Variants in SETX observed in about 807,000 individuals in gnomAD.
The protein encoded by SETX is helicase senataxin.
Under a neutral mutation model 227.2 loss-of-function variants are expected in SETX, and 90 were observed. That is an observed-to-expected ratio of 0.40 (90% CI 0.33 to 0.47). The LOEUF is 0.47. Among genes scored for constraint, SETX ranks in the 20% least tolerant of loss-of-function variants. The pLI is 0.91. For missense variants in SETX, 3,052 were observed against 3,181.5 expected, an observed-to-expected ratio of 0.96 and a Z score of 0.98; for synonymous variants, 1,210 against 1,113.2, an observed-to-expected ratio of 1.09 and a Z score of -1.73.
intron 7 of SETX, among the ~76,000 whole-genome samples, chr9:132,334,308 C>T (rs1157812367): frequency 2.0e-5 from 3 of 152,160 alleles, no homozygotes; most frequent in East Asian, 1.9e-4. Context: ...ATTAGCTGGG[C>T]GTGGTGGTGC....
chr9:132,309,205 T>C (rs1451336861), intron 11 of SETX, among the ~76,000 whole-genome samples: 2 of 152,236 alleles, frequency 1.3e-5, no homozygotes, highest in East Asian at 3.9e-4. Flanking sequence ...AAACTTCTTA[T>C]AAAGCTAGAT....
intron 20 of SETX, among the ~76,000 whole-genome samples, chr9:132,279,746 AAAGG>A (rs1320412138): frequency 6.6e-6 from 1 of 152,234 alleles, no homozygotes; most frequent in Non-Finnish European, 1.5e-5. Context: ...GGGAAACAGA[AAAGG>A]AAGTTATGTA....
At chr9:132,324,137 C>A (rs7850657) in intron 10 of SETX, among the ~76,000 whole-genome samples, 8,271 of 152,090 alleles carry the variant, frequency 0.054, 365 homozygotes, top group East Asian at 0.17. Flanking sequence ...TAATAAATAT[C>A]TTTTAACTCA....
In SETX at chr9:132,328,257, A is replaced by G. The variant is rs760535401; in HGVS notation, c.3341T>C (p.Ile1114Thr). 52 of 1,614,008 alleles carry G rather than the reference A, an allele frequency of 3.2e-5. No individual in the cohort carries two copies. Among genetic ancestry groups the G allele is most frequent in the Non-Finnish European group, 4.2e-5 (50 of 1,180,022 alleles). The change falls in exon 10 of 26, where the codon ATA (isoleucine) becomes ACA (threonine). Residue 1114 changes from isoleucine to threonine, a missense_variant. This residue lies in a region of SETX where 1,483 missense variants were observed against 1,312.0 expected (regional missense o/e 1.13). Transcript: ENST00000224140. ...QDGEKKCLAP[I>T]ANTTNGQGCT... ...ACCCTGACCATTTGTAGTATTGGCT[A>G]TAGGAGCCAAACATTTTTTCTCACC...
chr9:132,345,408 G>A (rs1283653978), intron 4 of SETX, among the ~76,000 whole-genome samples: 1 of 152,062 alleles, frequency 6.6e-6, no homozygotes, highest in Admixed American at 6.5e-5. Flanking sequence ...TGAGTAGCTG[G>A]GATTACAGGT....
chr9:132,356,200 T>TC (rs542436233), upstream of SETX, among the ~76,000 whole-genome samples: 113 of 151,490 alleles, frequency 7.5e-4, no homozygotes, highest in African/African-American at 2.5e-3. Flanking sequence ...GGAAAGCCTA[T>TC]CCCCCCCCTT....
chr9:132,314,901 A>ATT (rs1177683169), intron 10 of SETX, among the ~76,000 whole-genome samples: 1 of 109,950 alleles, frequency 9.1e-6, no homozygotes, highest in Admixed American at 8.9e-5. Context: ...TTATTATTTT[A>ATT]TTGTGTTTTT....
intron 19 of SETX, among the ~76,000 whole-genome samples, chr9:132,282,323 A>T (rs1313672358): frequency 1.2e-4 from 18 of 146,814 alleles, no homozygotes; most frequent in Admixed American, 2.7e-4. Flanking sequence ...TGAGAGAGAG[A>T]GTCTCACTCT....
chr9:132,351,823 G>T (rs916279918), intron 2 of SETX, among the ~76,000 whole-genome samples: 3 of 152,084 alleles, frequency 2.0e-5, no homozygotes, highest in African/African-American at 7.2e-5. Flanking sequence ...AGACTGTAAC[G>T]GCTTGCAATC....
At chr9:132,290,780 C>G (rs1484280286) in intron 15 of SETX, among the ~76,000 whole-genome samples, 1 of 151,958 alleles carries the variant, frequency 6.6e-6, no homozygotes, top group Non-Finnish European at 1.5e-5. Context: ...CCTGTGGTCC[C>G]AGCTACTTGG....
At chr9:132,294,654 G>A (rs1404646197) in intron 15 of SETX, among the ~76,000 whole-genome samples, 1 of 152,208 alleles carries the variant, frequency 6.6e-6, no homozygotes, top group Non-Finnish European at 1.5e-5. Context: ...AAGCAGAGGC[G>A]CTATTGGCAG....
intron 12 of SETX, among the ~76,000 whole-genome samples, 196 bp downstream of exon 12, chr9:132,300,434 C>CA: frequency 6.6e-6 from 1 of 151,976 alleles, no homozygotes; most frequent in Non-Finnish European, 1.5e-5. Flanking sequence ...TAGAACATTA[C>CA]AAAAATAAAT....
rs1842567499 is a variant in SETX at position 132,264,962 on chromosome 9, C to T, written c.7311G>A (p.Leu2437=). Residue 2437 remains leucine (L), a synonymous_variant, in exon 26 of 26, where the codon CTG becomes CTA. Transcript: ENST00000224140. The part of the protein sequence containing the change: ...TLMENQHWNQ[L]IQDAQKRGAI... ...CACCACGCTTCTGAGCATCCTGAAT[C>T]AGCTGATTCCAATGCTGGTTTTCCT... 4 of 1,613,870 alleles carry T rather than the reference C, an allele frequency of 2.5e-6. No individual in the cohort carries two copies. Among genetic ancestry groups the T allele is most frequent in the Non-Finnish European group, 2.5e-6 (3 of 1,180,048 alleles).
chr9:132,278,394 G>GA, intron 20 of SETX, 137 bp from the exon 21 acceptor site: 3 of 486,338 alleles, frequency 6.2e-6, no homozygotes, highest in Non-Finnish European at 1.1e-5. Context: ...CAGCTTCAGA[G>GA]AAAAAAGGTG....
chr9:132,326,985 C>T lies in SETX; in HGVS notation c.4613G>A (p.Arg1538Gln), dbSNP rs749550863. Residue 1538 changes from arginine (R) to glutamine (Q), a missense_variant, in exon 10 of 26, where the codon CGG becomes CAG. Around this residue, in one of 10 missense-constraint regions of SETX, gnomAD observed 1,483 missense variants for 1,312.0 expected, o/e 1.13. Coordinates refer to ENST00000224140, the MANE Select transcript of SETX (RefSeq NM_015046.7). Reference sequence around the variant, plus strand: ...GCCACTCAAAGATTCCAACTGAGGCCGACTTACAGAATCTTCTTCAACCTC... The same window carrying T: ...GCCACTCAAAGATTCCAACTGAGGCTGACTTACAGAATCTTCTTCAACCTC... ...TVEVEEDSVS[R>Q]PQLESLSGTK... The T allele has an allele frequency of 7.4e-6, 12 of 1,614,020 alleles. No individual in the cohort carries two copies. The highest frequency in any genetic ancestry group is 2.2e-5 in the South Asian group (2 of 91,080).
In SETX at chr9:132,330,027, T is replaced by A. The variant is rs772183489; in HGVS notation, c.1571A>T (p.His524Leu). 2 of 1,614,230 alleles carry A rather than the reference T, an allele frequency of 1.2e-6. No homozygotes were observed. Among genetic ancestry groups the A allele is most frequent in the South Asian group, 2.2e-5 (2 of 91,092 alleles). Residue 524 changes from histidine to leucine, a missense_variant, in exon 10 of 26, where the codon CAT (histidine) becomes CTT (leucine). By Grantham distance (99) the His-to-Leu change is moderately conservative. Around this residue, in one of 10 missense-constraint regions of SETX, gnomAD observed 179 missense variants for 197.1 expected, o/e 0.91. Transcript: ENST00000224140. ...TTGTACAGAGTTAGATGGCATGGAA[T>A]GCAATGACAGTGAAGATATCATTGC... ...GTAMISSLSL[H>L]SMPSNSVQLA...
At chr9:132,355,575 C>T (rs540930395), upstream of SETX, among the ~76,000 whole-genome samples, 77 of 152,372 alleles carry the variant, frequency 5.1e-4, no homozygotes, top group African/African-American at 1.8e-3. Context: ...TGCGGTGGCT[C>T]CCGCTTCTAA....
At position 132,264,832 on chromosome 9, in the gene SETX, G is replaced by A. The variant is rs1842560046; in HGVS notation, c.7441C>T (p.Pro2481Ser). ...RSLTHPPTIA[P>S]EGSRPQGGLP... is the part of the protein sequence containing the mutation. ...CCACCCTGGGGTCTGGACCCCTCTG[G>A]GGCTATGGTAGGAGGGTGAGTGAGA... Residue 2481 changes from proline to serine, a missense_variant, in exon 26 of 26, where the codon CCA (proline) becomes TCA (serine). Pro to Ser is a moderately conservative substitution (Grantham distance 74). Coordinates refer to ENST00000224140, the MANE Select transcript of SETX (RefSeq NM_015046.7). The A allele has an allele frequency of 6.2e-7, 1 of 1,614,124 alleles. No homozygotes were observed. The highest frequency in any genetic ancestry group is 8.5e-7 in the Non-Finnish European group (1 of 1,180,030).
intron 11 of SETX, among the ~76,000 whole-genome samples, chr9:132,306,341 T>C (rs947565205): frequency 6.6e-6 from 1 of 152,188 alleles, no homozygotes; most frequent in Admixed American, 6.5e-5. Context: ...GCCTCCCTAA[T>C]AGCTGGGATT....
Sources: gnomAD v4.1 joint callset for allele counts (sites outside exome capture counted in the v4.1 genomes callset) on GRCh38, gnomAD v4.1.1 for gene constraint, gnomAD v4.1.1 regional missense constraint, MANE v1.5 for transcripts, NCBI Gene and HGNC (gene_info 2026-07-23, HGNC 2026-07-21) for gene names.